The following PSMB9 variants were observed in gnomAD, a reference collection of about 807,000 sequenced individuals.
PSMB9 encodes the protein proteasome 20S subunit beta 9, also known as proteasome subunit beta type-9.
Under a neutral mutation model 26.9 loss-of-function variants are expected in PSMB9, and 16 were observed. That is an observed-to-expected ratio of 0.59 (90% CI 0.40 to 0.90). The LOEUF is 0.90. PSMB9 is among the 40% of genes least tolerant of loss of function. The probability of loss-of-function intolerance (pLI) is 0.00; values close to 1 mark genes in which losing one functional copy is unlikely to be tolerated. For synonymous variants in PSMB9, 91 were observed against 112.0 expected (o/e 0.81, Z 1.18); for missense variants, 253 against 292.2 (o/e 0.87, Z 0.98).
In PSMB9 at chr6:32,859,504, A is replaced by G. The variant is rs749142774; in HGVS notation, c.632A>G (p.Asn211Ser). 1.1e-5 allele frequency: 17 copies of G among 1,613,598 alleles called. No individual in the cohort carries two copies. Among genetic ancestry groups the G allele is most frequent in the Non-Finnish European group, 3.4e-6 (4 of 1,179,926 alleles). Residue 211 changes from asparagine (N) to serine (S), a missense_variant, in exon 6 of 6, where the codon AAT becomes AGT. Transcript: ENST00000374859. The part of the protein sequence containing the change: ...AGVDHRVILG[N>S]ELPKFYDE ...GTGGACCATCGAGTCATCTTGGGCA[A>G]TGAACTGCCAAAATTCTATGATGAG...
In PSMB9 at chr6:32,859,722, G is replaced by T. The variant is rs1272873404; in HGVS notation, c.*190G>T. On this transcript the variant is annotated 3_prime_UTR_variant, in exon 6 of 6. Coordinates refer to ENST00000374859, the MANE Select transcript of PSMB9 (RefSeq NM_002800.5). The stretch of plus-strand genomic sequence containing the variant: ...AACATCTTTCCTAGAGAAAACAAAA[G>T]GGACTAAACTAGAAATATAAAGAGC... The T allele has an allele frequency of 4.8e-6, 3 of 622,058 alleles. No homozygotes were observed. Among genetic ancestry groups the T allele is most frequent in the Non-Finnish European group, 7.9e-6 (3 of 378,082 alleles). The allele number at this position is 622,058 out of a possible 1,614,324, so 38.5% of individuals were successfully genotyped here.
rs1771248206 is a variant in PSMB9 at position 32,858,043 on chromosome 6, C to A, written c.299C>A (p.Ala100Glu). ...LEEPPLVLAA[A>E]NVVRNISYKY... ...GAACCTCCACTTGTTTTGGCTGCTG[C>A]AAATGTGGTGAGAAATATCAGCTAT... Residue 100 changes from alanine (A) to glutamate (E), a missense_variant, in exon 4 of 6, where the codon GCA (alanine) becomes GAA (glutamate). Ala to Glu is a moderately radical substitution (Grantham distance 107). Coordinates refer to ENST00000374859, the MANE Select transcript of PSMB9 (RefSeq NM_002800.5). This position sits in a 1 kb window ranked among gnomAD's most constrained non-coding sequence, Gnocchi z 5.2. 3 of 1,612,932 alleles carry A rather than the reference C, an allele frequency of 1.9e-6. No individual in the cohort carries two copies. The highest frequency in any genetic ancestry group is 3.3e-5 in the Admixed American group (2 of 60,002).
intron 3 of PSMB9, 65 bp downstream of exon 3, chr6:32,857,459 T>G (rs1771221554): frequency 7.9e-6 from 12 of 1,519,904 alleles, no homozygotes; most frequent in Non-Finnish European, 1.1e-5. Context: ...TGAATCCCTG[T>G]ACAGTGTGCT....
chr6:32,856,012 C>A, intron 1 of PSMB9, 126 bp from the exon 2 acceptor site: 1 of 780,178 alleles, frequency 1.3e-6, no homozygotes, highest in Non-Finnish European at 2.1e-6. Context: ...TGACAGTCAG[C>A]TCTGGCCTGT....
At chr6:32,856,683 G>A (rs1771175880) in intron 2 of PSMB9, 1 of 156,686 alleles carries the variant, frequency 6.4e-6, no homozygotes, top group South Asian at 2.0e-4. Context: ...TCTCAAGATT[G>A]TTAATAGCAA....
rs547423596 is a variant in PSMB9 at position 32,854,615 on chromosome 6, C to T, written c.60+326C>T. Among the ~76,000 whole-genome samples, 2 of 150,560 alleles carry T rather than the reference C, an allele frequency of 1.3e-5. No homozygotes were observed. The highest frequency in any genetic ancestry group is 4.2e-4 in the South Asian group (2 of 4,766). On this transcript the variant is annotated intron_variant, in intron 1 of 5. Coordinates refer to ENST00000374859, the MANE Select transcript of PSMB9 (RefSeq NM_002800.5). This position sits in a 1 kb window ranked among gnomAD's most constrained non-coding sequence, Gnocchi z 4.6. Reference sequence around the variant, plus strand: ...CCCGGACAGTGGGGGCTGGTTAAATCAAGAAAGGGGGTTGGGGATGGTGCA... The same window carrying T: ...CCCGGACAGTGGGGGCTGGTTAAATTAAGAAAGGGGGTTGGGGATGGTGCA...
At chr6:32,857,901 T>C (rs764408800) in intron 3 of PSMB9, 104 bp from the exon 4 acceptor site, 50 of 1,365,446 alleles carry the variant, frequency 3.7e-5, no homozygotes, top group Non-Finnish European at 4.5e-5. Flanking sequence ...GTTTGAGCTA[T>C]TGCAGTTACA....
chr6:32,857,579 G>A lies in PSMB9; in HGVS notation c.260+185G>A, dbSNP rs561634647. ...AAGTGGAGATAATATAGTACCTCAT[G>A]AGACGGTTATTTTGAGAACCACATT... On this transcript the variant is annotated intron_variant, in intron 3 of 5. Coordinates refer to ENST00000374859, the MANE Select transcript of PSMB9 (RefSeq NM_002800.5). 2.7e-4 allele frequency: 173 copies of A among 652,148 alleles called. No homozygotes were observed. The African/African-American group carries it at 3.0e-3, about 11-fold the overall frequency. 40.4% of individuals were successfully genotyped at this position (652,148 alleles called of 1,614,324 possible). A position where few individuals can be genotyped will look rare whatever the true frequency, so the allele number is the denominator to read the frequency against.
At chr6:32,859,126 C>T (rs953990452) in intron 5 of PSMB9, among the ~76,000 whole-genome samples, 2 of 151,632 alleles carry the variant, frequency 1.3e-5, no homozygotes, top group African/African-American at 2.4e-5. Flanking sequence ...CTCATGAGAG[C>T]GGACTGTTAA....
chr6:32,858,433 A>G lies in PSMB9; in HGVS notation c.460A>G (p.Ile154Val). Reference sequence around the variant, plus strand: ...CATTGGTGGCTCCGGCAGCACCTTTATCTATGGTTATGTGGATGCAGCATA... The same window carrying G: ...CATTGGTGGCTCCGGCAGCACCTTTGTCTATGGTTATGTGGATGCAGCATA... ...FAIGGSGSTF[I>V]YGYVDAAYKP... Residue 154 changes from isoleucine (I) to valine (V), a missense_variant, in exon 5 of 6, where the codon ATC becomes GTC. Physicochemically the swap from Ile to Val is conservative, Grantham distance 29. Transcript: ENST00000374859. The surrounding 1 kb of genome is among the most constrained non-coding windows in gnomAD (Gnocchi z 5.2). The G allele has an allele frequency of 6.2e-7, 1 of 1,612,944 alleles. No individual in the cohort carries two copies. Among genetic ancestry groups the G allele is most frequent in the Non-Finnish European group, 8.5e-7 (1 of 1,180,004 alleles).
intron 5 of PSMB9, among the ~76,000 whole-genome samples, chr6:32,859,060 A>AC (rs1771315719): frequency 6.6e-6 from 1 of 151,066 alleles, no homozygotes; most frequent in Admixed American, 6.6e-5. Context: ...TGGAGAAAAA[A>AC]AAAAAAAAAA....
In PSMB9 at chr6:32,859,522, A is replaced by G. The variant is rs773111783; in HGVS notation, c.650A>G (p.Tyr217Cys). ...VILGNELPKF[Y>C]DE The stretch of plus-strand genomic sequence containing the variant: ...TTGGGCAATGAACTGCCAAAATTCT[A>G]TGATGAGTGAACCTTCCCCAGACTT... The change falls in exon 6 of 6, where the codon TAT becomes TGT. Residue 217 changes from tyrosine to cysteine, a missense_variant. Coordinates refer to ENST00000374859, the MANE Select transcript of PSMB9 (RefSeq NM_002800.5). The G allele has an allele frequency of 1.2e-6, 2 of 1,613,538 alleles. No homozygotes were observed. The highest frequency in any genetic ancestry group is 1.7e-5 in the Admixed American group (1 of 59,890).
rs1284140123 is a variant in PSMB9 at position 32,859,564 on chromosome 6, A to T, written c.*32A>T. 1 of 1,607,018 alleles carries T rather than the reference A, an allele frequency of 6.2e-7. No individual in the cohort carries two copies. Among genetic ancestry groups the T allele is most frequent in the African/African-American group, 1.3e-5 (1 of 74,880 alleles). ...CCCAGACTTCTCTTTCTTATTTTGTAATAAACTCTCTAGGGCCAAAACCTG... is the reference window on the plus strand; with the variant it reads ...CCCAGACTTCTCTTTCTTATTTTGTTATAAACTCTCTAGGGCCAAAACCTG... On this transcript the variant is annotated 3_prime_UTR_variant, in exon 6 of 6. Transcript: ENST00000374859.
chr6:32,858,086 G>C lies in PSMB9; in HGVS notation c.342G>C (p.Leu114Phe). 1 of 1,613,104 alleles carries C rather than the reference G, an allele frequency of 6.2e-7. No individual in the cohort carries two copies. The highest frequency in any genetic ancestry group is 8.5e-7 in the Non-Finnish European group (1 of 1,180,046). The change falls in exon 4 of 6, where the codon TTG becomes TTC. Residue 114 changes from leucine to phenylalanine, a missense_variant. Coordinates refer to ENST00000374859, the MANE Select transcript of PSMB9 (RefSeq NM_002800.5). This position sits in a 1 kb window ranked among gnomAD's most constrained non-coding sequence, Gnocchi z 5.2. ...TCAGCTATAAATATCGAGAGGACTT[G>C]TCTGCACATCTCATGGTAGCTGGCT... ...RNISYKYREDLSAHLMVAGWD... is the reference protein window; with the variant it reads ...RNISYKYREDFSAHLMVAGWD...
chr6:32,855,084 C>G (rs1771093048), intron 1 of PSMB9, among the ~76,000 whole-genome samples: 2 of 152,186 alleles, frequency 1.3e-5, no homozygotes, highest in South Asian at 4.1e-4. Context: ...ATAAGTCGGT[C>G]CGTCGGAAAG....
At chr6:32,855,777 T>C (rs543103807) in intron 1 of PSMB9, among the ~76,000 whole-genome samples, 1 of 152,150 alleles carries the variant, frequency 6.6e-6, no homozygotes, top group Non-Finnish European at 1.5e-5. Flanking sequence ...CTGCACATAC[T>C]ATGAGCCCTT....
rs746875867 is a variant in PSMB9 at position 32,858,492 on chromosome 6, C to G, written c.519C>G (p.Arg173=). 6.2e-7 allele frequency: 1 copy of G among 1,612,896 alleles called. No individual in the cohort carries two copies. The highest frequency in any genetic ancestry group is 2.2e-5 in the East Asian group (1 of 44,896). The change falls in exon 5 of 6, where the codon CGC becomes CGG. Residue 173 remains arginine (R), a synonymous_variant. Transcript: ENST00000374859. This position sits in a 1 kb window ranked among gnomAD's most constrained non-coding sequence, Gnocchi z 5.2. ...KPGMSPEECR[R]FTTDAIALAM... is the part of the protein sequence containing the mutation. ...GCATGTCTCCCGAGGAGTGCAGGCGCTTCACCACAGACGGTAACCAGCCAA... is the reference window on the plus strand; with the variant it reads ...GCATGTCTCCCGAGGAGTGCAGGCGGTTCACCACAGACGGTAACCAGCCAA...
In PSMB9 at chr6:32,854,216, G is replaced by T; in HGVS notation, c.-14G>T. 6.5e-7 allele frequency: 1 copy of T among 1,546,754 alleles called. No homozygotes were observed. The highest frequency in any genetic ancestry group is 1.4e-5 in the African/African-American group (1 of 72,856). On this transcript the variant is annotated 5_prime_UTR_variant, in exon 1 of 6. Transcript: ENST00000374859. The surrounding 1 kb of genome is among the most constrained non-coding windows in gnomAD (Gnocchi z 4.6). ...CAGTGCCCCAGGCGGCGAGGAGAGCGGTGCCTTGCAGGGATGCTGCGGGCG... is the reference window on the plus strand; with the variant it reads ...CAGTGCCCCAGGCGGCGAGGAGAGCTGTGCCTTGCAGGGATGCTGCGGGCG...
At chr6:32,855,747 G>C (rs1002362051) in intron 1 of PSMB9, among the ~76,000 whole-genome samples, 2 of 151,820 alleles carry the variant, frequency 1.3e-5, no homozygotes, top group Non-Finnish European at 2.9e-5. Context: ...CAATTACTCT[G>C]TGTTGGGTCT....
Sources: gnomAD v4.1 joint callset for allele counts (sites outside exome capture counted in the v4.1 genomes callset) on GRCh38, gnomAD v4.1.1 for gene constraint, Gnocchi (gnomAD v3.1) non-coding constraint, MANE v1.5 for transcripts, NCBI Gene and HGNC (gene_info 2026-07-23, HGNC 2026-07-21) for gene names.